Variants in NAALADL1 observed in about 807,000 individuals in gnomAD.
NAALADL1 encodes aminopeptidase NAALADL1.
A neutral mutation model predicts 82.8 loss-of-function variants in NAALADL1; 77 were observed. The observed-to-expected ratio is 0.93, with a 90% CI of 0.77 to 1.12. NAALADL1 has a LOEUF of 1.12. Among genes scored for constraint, NAALADL1 ranks in the 50% most tolerant of loss-of-function variants. The pLI, the probability that NAALADL1 is intolerant of heterozygous loss-of-function variation, is 0.00. For synonymous variants in NAALADL1, 358 were observed against 399.2 expected (o/e 0.90, Z 1.23); for missense variants, 956 against 964.0 (o/e 0.99, Z 0.11).
chr11:65,056,105 G>T (rs1347792188), intron 4 of NAALADL1, among the ~76,000 whole-genome samples: 4 of 151,978 alleles, frequency 2.6e-5, no homozygotes, highest in African/African-American at 7.2e-5. Context: ...GGCTGGTCTC[G>T]AACTCCTGAC....
At chr11:65,056,686 C>T (rs1012342128) in intron 4 of NAALADL1, among the ~76,000 whole-genome samples, 1 of 148,632 alleles carries the variant, frequency 6.7e-6, no homozygotes, top group African/African-American at 2.5e-5. Context: ...GGATTACAAG[C>T]GTGAGCCACC....
chr11:65,048,577 C>A, intron 8 of NAALADL1, 192 bp from the exon 9 acceptor site: 1 of 621,250 alleles, frequency 1.6e-6, no homozygotes, highest in Non-Finnish European at 2.8e-6. Context: ...TCCAAGCCCC[C>A]TGAAGGGTCG....
intron 8 of NAALADL1, among the ~76,000 whole-genome samples, chr11:65,052,536 A>T (rs1946916632): frequency 6.6e-6 from 1 of 151,332 alleles, no homozygotes; most frequent in African/African-American, 2.4e-5. Context: ...CTGGTCTCGA[A>T]CTCCTGACCT....
chr11:65,045,563 G>T, intron 17 of NAALADL1, 106 bp from the exon 18 acceptor site: 1 of 1,233,016 alleles, frequency 8.1e-7, no homozygotes, highest in Non-Finnish European at 1.1e-6. Flanking sequence ...AGGCAGAAAA[G>T]CACCCCCGTC....
intron 8 of NAALADL1, among the ~76,000 whole-genome samples, chr11:65,051,016 C>T: frequency 6.6e-6 from 1 of 151,944 alleles, no homozygotes; most frequent in Non-Finnish European, 1.5e-5. Flanking sequence ...AGATAGAAAG[C>T]AAACGTGATG....
In NAALADL1 at chr11:65,058,418, A is replaced by T. The variant is rs778384658; in HGVS notation, c.104T>A (p.Leu35Gln). The change falls in exon 1 of 18, where the codon CTG (leucine) becomes CAG (glutamine). Residue 35 changes from leucine (L) to glutamine (Q), a missense_variant. By Grantham distance (113) the Leu-to-Gln change is moderately radical (BLOSUM62 -2). Transcript: ENST00000358658. ...CTCCAGGTCCAGGTCCTGGGGGGCC[A>T]GTGAGTTGGCTTTTTTGGGGATGGC... ...HFAIPKKANS[L>Q]APQDLDLEIL... 3 of 1,614,012 alleles carry T rather than the reference A, an allele frequency of 1.9e-6. No individual in the cohort carries two copies. The South Asian group carries it at 3.3e-5, about 18-fold the overall frequency.
At chr11:65,048,125 C>T in intron 10 of NAALADL1, 27 bp downstream of exon 10, 1 of 1,614,156 alleles carries the variant, frequency 6.2e-7, no homozygotes, top group Non-Finnish European at 8.5e-7. Flanking sequence ...CCGTCTCCTC[C>T]CCTTTCCTGC....
chr11:65,055,558 A>G (rs1221619610), intron 4 of NAALADL1, among the ~76,000 whole-genome samples: 1 of 152,258 alleles, frequency 6.6e-6, no homozygotes, highest in Non-Finnish European at 1.5e-5. Flanking sequence ...TAAGCCAGAC[A>G]TAAAAAGACA....
Position 65,054,641 on chromosome 11 carries a change from G to A in NAALADL1, c.701C>T (p.Pro234Leu). The change falls in exon 5 of 18, where the codon CCC (proline) becomes CTC (leucine). Residue 234 changes from proline to leucine, a missense_variant. Physicochemically the swap from Pro to Leu is moderately conservative, Grantham distance 98. Coordinates refer to ENST00000358658, the MANE Select transcript of NAALADL1 (RefSeq NM_005468.3). This position sits in a 1 kb window ranked among gnomAD's most constrained non-coding sequence, Gnocchi z 4.3. ...TGAGGGGGGCAGGTACCAGGAGTTG[G>A]GAAAGGTTTCGTCGGGTGAGCTCAG... ...DGLSSPDETF[P>L]NSWYLPPSGV... 6.2e-7 allele frequency: 1 copy of A among 1,614,092 alleles called. No individual in the cohort carries two copies. The highest frequency in any genetic ancestry group is 8.5e-7 in the Non-Finnish European group (1 of 1,180,004).
In NAALADL1 at chr11:65,053,464, G is replaced by A. The variant is rs1395428998; in HGVS notation, c.1078+27C>T. The A allele has an allele frequency of 6.2e-7, 1 of 1,612,484 alleles. No homozygotes were observed. The highest frequency in any genetic ancestry group is 8.5e-7 in the Non-Finnish European group (1 of 1,178,760). Reference sequence around the variant, plus strand: ...CATCCAGAGCAGAGCAGGGGCCTGGGGTGCAGGCAGCAAGAGGAGGGCTCA... The same window carrying A: ...CATCCAGAGCAGAGCAGGGGCCTGGAGTGCAGGCAGCAAGAGGAGGGCTCA... On this transcript the variant is annotated intron_variant, in intron 7 of 17. Coordinates refer to ENST00000358658, the MANE Select transcript of NAALADL1 (RefSeq NM_005468.3). The surrounding 1 kb of genome is among the most constrained non-coding windows in gnomAD (Gnocchi z 4.3).
At chr11:65,057,805 C>T in intron 3 of NAALADL1, 70 bp downstream of exon 3, 2 of 1,595,434 alleles carry the variant, frequency 1.3e-6, no homozygotes, top group Non-Finnish European at 1.7e-6. Context: ...TTCCCTGGGT[C>T]AGGGTGGGGA....
intron 8 of NAALADL1, among the ~76,000 whole-genome samples, chr11:65,049,018 G>A: frequency 1.3e-5 from 2 of 152,022 alleles, no homozygotes; most frequent in East Asian, 1.9e-4. Context: ...AGCTGAGATC[G>A]TGCCACTGCA....
At chr11:65,057,736 C>T (rs1184310749) in intron 3 of NAALADL1, 139 bp downstream of exon 3, 11 of 1,355,818 alleles carry the variant, frequency 8.1e-6, no homozygotes, top group African/African-American at 7.2e-5. Flanking sequence ...AAAGGAGCAG[C>T]GATGGAGTGT....
At chr11:65,049,004 A>C (rs1181328230) in intron 8 of NAALADL1, among the ~76,000 whole-genome samples, 2 of 152,080 alleles carry the variant, frequency 1.3e-5, no homozygotes, top group Non-Finnish European at 1.5e-5. Context: ...TAGAGGTTGC[A>C]GTGAGCTGAG....
At chr11:65,059,372 T>C (rs531407904), upstream of NAALADL1, among the ~76,000 whole-genome samples, 1 of 152,182 alleles carries the variant, frequency 6.6e-6, no homozygotes, top group African/African-American at 2.4e-5. Flanking sequence ...GTGTCTGACA[T>C]GTAGTGGGAG....
intron 13 of NAALADL1, among the ~76,000 whole-genome samples, chr11:65,046,764 GAGA>G (rs775676118): frequency 7.9e-5 from 12 of 152,174 alleles, no homozygotes; most frequent in Non-Finnish European, 1.8e-4. Flanking sequence ...TCACAGAAAG[GAGA>G]AGAACCTGGG....
At chr11:65,060,455 G>C (rs1165355067), upstream of NAALADL1, among the ~76,000 whole-genome samples, 1 of 152,118 alleles carries the variant, frequency 6.6e-6, no homozygotes, top group African/African-American at 2.4e-5. Context: ...TCACCACCAG[G>C]TGGGGAGTGG....
Position 65,057,927 on chromosome 11 carries a change from C to T in NAALADL1, c.428G>A (p.Gly143Glu). 1 of 1,614,038 alleles carries T rather than the reference C, an allele frequency of 6.2e-7. No individual in the cohort carries two copies. The highest frequency in any genetic ancestry group is 8.5e-7 in the Non-Finnish European group (1 of 1,179,982). ...TEENVTGEQG[G>E]PDVVQPYAAY... is the part of the protein sequence containing the mutation. Reference sequence around the variant, plus strand: ...AGCATAGGGTTGTACCACATCTGGCCCCCCTTGCTCCCCGGTCACGTTCTC... The same window carrying T: ...AGCATAGGGTTGTACCACATCTGGCTCCCCTTGCTCCCCGGTCACGTTCTC... The change falls in exon 3 of 18, where the codon GGG becomes GAG. Residue 143 changes from glycine (G) to glutamate (E), a missense_variant. Physicochemically the swap from Gly to Glu is moderately conservative, Grantham distance 98 (BLOSUM62 -2). Transcript: ENST00000358658.
chr11:65,049,433 GTTAT>G (rs959236104), intron 8 of NAALADL1, among the ~76,000 whole-genome samples: 15 of 152,168 alleles, frequency 9.9e-5, no homozygotes, highest in African/African-American at 3.6e-4. Flanking sequence ...CAAATTGAGG[GTTAT>G]TTGACAAAAT....
Sources: allele counts gnomAD v4.1 joint callset (sites outside exome capture counted in the v4.1 genomes callset), GRCh38; gene constraint gnomAD v4.1.1; non-coding constraint Gnocchi (gnomAD v3.1); transcripts MANE v1.5; gene names NCBI Gene and HGNC (gene_info 2026-07-23, HGNC 2026-07-21).